Variants in RNF32 observed in about 807,000 individuals in gnomAD.
RNF32 encodes ring finger protein 32.
In RNF32, 36 loss-of-function variants were observed where a neutral mutation model predicts 41.0. The ratio of observed to expected loss-of-function variants is 0.88; its 90% confidence interval spans 0.67 to 1.16. RNF32 has a LOEUF of 1.16. Ranked by LOEUF, RNF32 falls within the 50% of genes most tolerant of loss-of-function variation. The probability of loss-of-function intolerance (pLI) is 0.00; values close to 1 mark genes in which losing one functional copy is unlikely to be tolerated. For missense variants in RNF32, 413 were observed against 436.7 expected (o/e 0.95, Z 0.48); for synonymous variants, 154 against 160.9 (o/e 0.96, Z 0.32).
chr7:156,652,669 T>C (rs1354042902), intron 3 of RNF32, among the ~76,000 whole-genome samples: 2 of 152,096 alleles, frequency 1.3e-5, no homozygotes, highest in East Asian at 3.9e-4. Context: ...TGTGTGTTTG[T>C]GTCTTAGTTT....
At chr7:156,652,647 C>T (rs1423398245) in intron 3 of RNF32, among the ~76,000 whole-genome samples, 1 of 151,670 alleles carries the variant, frequency 6.6e-6, no homozygotes, top group Non-Finnish European at 1.5e-5. Context: ...CCTGTGTTGG[C>T]CTAGGCTAAT....
rs149415951 is a variant in RNF32, at chr7:156,644,768, G to A, written c.274+11G>A. 1.5e-4 allele frequency: 240 copies of A among 1,593,200 alleles called. 1 individual carries two copies. The African/African-American group carries it at 2.4e-3, about 16-fold the overall frequency. The stretch of plus-strand genomic sequence containing the variant: ...CGCCGTTGACTTTGGGTAAGCTGAC[G>A]TAGTCATTCATCTTTTGGCTTATTA... On this transcript the variant is annotated intron_variant, in intron 3 of 8. Transcript: ENST00000317955.
At chr7:156,661,729 T>A (rs79282843) in intron 7 of RNF32, among the ~76,000 whole-genome samples, 2,814 of 152,322 alleles carry the variant, frequency 0.018, 88 homozygotes, top group African/African-American at 0.065. Flanking sequence ...CCACACTGTG[T>A]TCATTTTTAT....
chr7:156,660,722 G>A (rs915934438), intron 7 of RNF32, among the ~76,000 whole-genome samples: 4 of 152,156 alleles, frequency 2.6e-5, no homozygotes, highest in Non-Finnish European at 5.9e-5. Context: ...ACCAAACTCT[G>A]TAAAGTATTT....
At position 156,676,528 on chromosome 7, in the gene RNF32, C is replaced by T. The variant is rs556301667; in HGVS notation, c.962C>T (p.Ser321Phe). 105 of 1,614,126 alleles carry T rather than the reference C, an allele frequency of 6.5e-5. 2 individuals carry two copies. In the South Asian group the frequency reaches 1.1e-3, roughly 17 times the overall value. The change falls in exon 9 of 9, where the codon TCC (serine) becomes TTC (phenylalanine). Residue 321 changes from serine (S) to phenylalanine (F), a missense_variant. By Grantham distance (155) the Ser-to-Phe change is radical. Transcript: ENST00000317955. ...CGTTCCAGAGAGATGGCCCTCCTGT[C>T]CTGCTCACATGTGTTCCACCATGCG... ...GRRSREMALL[S>F]CSHVFHHACL...
At chr7:156,659,617 C>A in intron 7 of RNF32, 1 of 920,306 alleles carries the variant, frequency 1.1e-6, no homozygotes, top group South Asian at 5.0e-5. Flanking sequence ...GTCATTTTAC[C>A]TTATATATAT....
At chr7:156,659,197 C>A (rs1800221709) in intron 7 of RNF32, 1 of 1,149,520 alleles carries the variant, frequency 8.7e-7, no homozygotes, top group Non-Finnish European at 1.1e-6. Flanking sequence ...CCGAGGCTGT[C>A]ATATGAAAGC....
intron 7 of RNF32, among the ~76,000 whole-genome samples, chr7:156,662,103 G>A (rs541170186): frequency 6.6e-6 from 1 of 152,316 alleles, no homozygotes; most frequent in African/African-American, 2.4e-5. Flanking sequence ...CTGTAAAATA[G>A]TGTATTAGCA....
chr7:156,660,787 C>G (rs1236961775), intron 7 of RNF32, among the ~76,000 whole-genome samples: 1 of 152,208 alleles, frequency 6.6e-6, no homozygotes, highest in Admixed American at 6.5e-5. Flanking sequence ...AACCCACTCT[C>G]AAGGAGTCCT....
At chr7:156,653,744 G>A (rs1176423853) in intron 3 of RNF32, among the ~76,000 whole-genome samples, 1 of 152,226 alleles carries the variant, frequency 6.6e-6, no homozygotes, top group Non-Finnish European at 1.5e-5. Flanking sequence ...TCGATGCCGA[G>A]ACAGCACATG....
chr7:156,651,215 C>CTT (rs201556848), intron 3 of RNF32, among the ~76,000 whole-genome samples: 12,313 of 138,676 alleles, frequency 0.089, 687 homozygotes, highest in East Asian at 0.25. Context: ...TTTAATATTT[C>CTT]TTTTTTTTTT....
chr7:156,650,273 G>C (rs940779722), intron 3 of RNF32, among the ~76,000 whole-genome samples: 9 of 152,196 alleles, frequency 5.9e-5, no homozygotes, highest in African/African-American at 2.2e-4. Flanking sequence ...TCAACAACAA[G>C]GGAGGAGCCA....
chr7:156,667,808 G>A (rs984309938), intron 7 of RNF32, among the ~76,000 whole-genome samples: 8 of 152,162 alleles, frequency 5.3e-5, no homozygotes, highest in African/African-American at 1.9e-4. Flanking sequence ...AAAGCTGTAA[G>A]AATATTCATC....
intron 8 of RNF32, 136 bp downstream of exon 8, chr7:156,675,999 G>T (rs1240470843): frequency 1.1e-6 from 1 of 933,260 alleles, no homozygotes; most frequent in South Asian, 1.7e-5. Flanking sequence ...CAGCCGTGGA[G>T]GCTGTGGGGG....
At chr7:156,646,297 T>C (rs965845238) in intron 3 of RNF32, among the ~76,000 whole-genome samples, 5 of 152,240 alleles carry the variant, frequency 3.3e-5, no homozygotes, top group African/African-American at 1.2e-4. Flanking sequence ...AAAATGGCGC[T>C]GTTGGCAGGG....
At chr7:156,651,494 G>A (rs1014149143) in intron 3 of RNF32, among the ~76,000 whole-genome samples, 19 of 152,110 alleles carry the variant, frequency 1.2e-4, no homozygotes, top group Non-Finnish European at 8.8e-5. Context: ...GATTACAGGC[G>A]TGAGCCACCA....
chr7:156,676,117 T>C, intron 8 of RNF32: 1 of 849,470 alleles, frequency 1.2e-6, no homozygotes, highest in South Asian at 1.9e-5. Flanking sequence ...ACTTTCCTCA[T>C]GGGCTTTAGG....
chr7:156,649,898 T>C (rs765971851), intron 3 of RNF32, among the ~76,000 whole-genome samples: 2 of 152,268 alleles, frequency 1.3e-5, no homozygotes, highest in Non-Finnish European at 2.9e-5. Flanking sequence ...ATCAAAGCCA[T>C]ATAAGCTTCA....
chr7:156,656,933 A>C (rs192871604), intron 4 of RNF32, among the ~76,000 whole-genome samples: 15 of 152,288 alleles, frequency 9.8e-5, no homozygotes, highest in African/African-American at 3.6e-4. Flanking sequence ...CTTCTTCTTC[A>C]TTTGGTCTAA....
Sources: allele counts gnomAD v4.1 joint callset (sites outside exome capture counted in the v4.1 genomes callset), GRCh38; gene constraint gnomAD v4.1.1; transcripts MANE v1.5; gene names NCBI Gene and HGNC (gene_info 2026-07-23, HGNC 2026-07-21).